Variants in RBM6 observed in about 807,000 individuals in gnomAD.
RBM6 encodes the protein RNA binding motif protein 6, also known as RNA-binding protein 6.
A neutral mutation model predicts 140.4 loss-of-function variants in RBM6; 23 were observed. The ratio of observed to expected loss-of-function variants is 0.16; its 90% confidence interval spans 0.12 to 0.23. The LOEUF (loss-of-function observed/expected upper bound fraction) is 0.23, where lower values mean the gene tolerates loss of function less well. RBM6 is among the 10% of genes least tolerant of loss of function. The pLI is 1.00. For synonymous variants in RBM6, 439 were observed against 475.6 expected, an observed-to-expected ratio of 0.92 and a Z score of 1.00; for missense variants, 1,139 against 1,386.7, an observed-to-expected ratio of 0.82 and a Z score of 2.84.
intron 6 of RBM6, among the ~76,000 whole-genome samples, chr3:50,004,165 A>G (rs1024609646): frequency 2.0e-5 from 3 of 152,082 alleles, no homozygotes; most frequent in South Asian, 4.1e-4. Flanking sequence ...ATTGTCTATT[A>G]TTTGGCCAAA....
chr3:49,944,401 T>G (rs993831420), intron 1 of RBM6, among the ~76,000 whole-genome samples: 3 of 152,140 alleles, frequency 2.0e-5, no homozygotes, highest in Admixed American at 1.3e-4. Flanking sequence ...TATCTATTGA[T>G]GGACATTTGG....
intron 10 of RBM6, chr3:50,058,797 T>C (rs1446833815): frequency 1.4e-5 from 4 of 285,946 alleles, no homozygotes; most frequent in Non-Finnish European, 6.8e-6. Flanking sequence ...GCGCCTGTAG[T>C]CGCAGCTACT....
chr3:50,043,899 A>T (rs1481412951), intron 6 of RBM6, among the ~76,000 whole-genome samples: 1 of 129,104 alleles, frequency 7.7e-6, no homozygotes. Flanking sequence ...TTTTTTTTTT[A>T]AAGAGACGGA....
chr3:49,947,124 C>CGCCT (rs1431389741), intron 1 of RBM6, among the ~76,000 whole-genome samples: 2 of 148,372 alleles, frequency 1.3e-5, no homozygotes, highest in African/African-American at 4.9e-5. Context: ...CAGTGGCAGG[C>CGCCT]GCCTGTAGTC....
At chr3:50,059,269 G>A (rs957464108) in intron 10 of RBM6, 3 of 155,172 alleles carry the variant, frequency 1.9e-5, no homozygotes, top group Non-Finnish European at 4.3e-5. Context: ...TTTAGTTGCG[G>A]GGCCTTTTTC....
chr3:49,969,444 C>CAT (rs1280920076), intron 3 of RBM6, among the ~76,000 whole-genome samples: 1 of 144,912 alleles, frequency 6.9e-6, no homozygotes, highest in Non-Finnish European at 1.5e-5. Flanking sequence ...CAGCTCAGAT[C>CAT]ATATATATGT....
intron 15 of RBM6, among the ~76,000 whole-genome samples, chr3:50,062,666 T>G (rs2089984940): frequency 6.6e-6 from 1 of 152,116 alleles, no homozygotes; most frequent in African/African-American, 2.4e-5. Flanking sequence ...ACATTTTCAC[T>G]TTTCTACATT....
intron 6 of RBM6, among the ~76,000 whole-genome samples, chr3:50,040,493 T>TATATATACACACAC (rs749096137): frequency 4.9e-4 from 42 of 85,852 alleles, no homozygotes; most frequent in African/African-American, 1.9e-3. Context: ...TATATATATA[T>TATATATACACACAC]ACACACACAC....
intron 5 of RBM6, among the ~76,000 whole-genome samples, chr3:49,993,389 C>T (rs1414121065): frequency 6.6e-6 from 1 of 152,196 alleles, no homozygotes; most frequent in East Asian, 1.9e-4. Context: ...CTCCTATAAT[C>T]CCAGCACTTT....
chr3:50,067,482 T>TAAGC (rs1373096811), intron 17 of RBM6, among the ~76,000 whole-genome samples: 2 of 152,226 alleles, frequency 1.3e-5, no homozygotes, highest in Non-Finnish European at 2.9e-5. Flanking sequence ...GGACCTCAGA[T>TAAGC]AAGCCCCTTT....
chr3:49,994,098 CTGT>C (rs1269534198), intron 5 of RBM6, among the ~76,000 whole-genome samples: 1 of 152,184 alleles, frequency 6.6e-6, no homozygotes, highest in Non-Finnish European at 1.5e-5. Context: ...GGGTCTCACT[CTGT>C]TGTTCAGGCT....
At chr3:49,971,955 A>T in intron 3 of RBM6, 104 bp from the exon 4 acceptor site, 1 of 806,410 alleles carries the variant, frequency 1.2e-6, no homozygotes, top group Non-Finnish European at 2.1e-6. Context: ...TCTTCACGTG[A>T]CATGTCATTA....
At chr3:50,052,050 TA>T (rs1409510996) in intron 7 of RBM6, among the ~76,000 whole-genome samples, 1 of 152,138 alleles carries the variant, frequency 6.6e-6, no homozygotes, top group Non-Finnish European at 1.5e-5. Context: ...ACACATAAAA[TA>T]GGTAAACTTT....
At chr3:50,035,138 AT>A (rs1260137993) in intron 6 of RBM6, among the ~76,000 whole-genome samples, 1 of 151,720 alleles carries the variant, frequency 6.6e-6, no homozygotes. Flanking sequence ...AGCAACTTCA[AT>A]TCTTGCCTCC....
intron 5 of RBM6, among the ~76,000 whole-genome samples, chr3:49,986,822 G>A (rs964477511): frequency 1.5e-5 from 2 of 131,162 alleles, no homozygotes; most frequent in African/African-American, 2.9e-5. Flanking sequence ...GTTTTGCTCT[G>A]TTGCCCAGGA....
chr3:50,067,179 T>C (rs2090149553), intron 17 of RBM6, among the ~76,000 whole-genome samples: 1 of 109,012 alleles, frequency 9.2e-6, no homozygotes, highest in African/African-American at 3.7e-5. Flanking sequence ...AGACCAAGAC[T>C]CTATCTCAAA....
At chr3:49,959,816 C>T (rs1385355165) in intron 1 of RBM6, among the ~76,000 whole-genome samples, 19 of 152,094 alleles carry the variant, frequency 1.2e-4, no homozygotes, top group Admixed American at 1.2e-3. Context: ...AAGTGATCCA[C>T]ACGCCTCAGC....
At chr3:49,989,785 C>G (rs956759137) in intron 5 of RBM6, among the ~76,000 whole-genome samples, 2 of 152,036 alleles carry the variant, frequency 1.3e-5, no homozygotes, top group African/African-American at 4.8e-5. Context: ...CCACTGTCAC[C>G]CAGGCTGGAG....
rs578231311 is a variant in RBM6, at chr3:49,986,725, C to T, written c.1483+11333C>T. Among the ~76,000 whole-genome samples the T allele has an allele frequency of 3.3e-5, 5 of 151,296 alleles. No homozygotes were observed. The South Asian group carries it at 1.0e-3, about 32-fold the overall frequency. ...GTCTCTTTCTCTCTCTTCTCTTCTC[C>T]TCTCTTCTCTTCTCTCTTCTTCCCT... On this transcript the variant is annotated intron_variant, in intron 5 of 20. Coordinates refer to ENST00000266022, the MANE Select transcript of RBM6 (RefSeq NM_005777.3).
Sources: allele counts gnomAD v4.1 joint callset (sites outside exome capture counted in the v4.1 genomes callset), GRCh38; gene constraint gnomAD v4.1.1; transcripts MANE v1.5; gene names NCBI Gene and HGNC (gene_info 2026-07-23, HGNC 2026-07-21).